THSD7A: variants seen among roughly 807,000 people sequenced by gnomAD.
THSD7A encodes the protein thrombospondin type-1 domain-containing protein 7A.
In THSD7A, 96 loss-of-function variants were observed where a neutral mutation model predicts 231.3. The ratio of observed to expected loss-of-function variants is 0.41; its 90% CI spans 0.35 to 0.49. The LOEUF is 0.49. THSD7A is among the 20% of genes least tolerant of loss of function. The probability of loss-of-function intolerance (pLI) is 0.05; values close to 1 mark genes in which losing one functional copy is unlikely to be tolerated. For missense variants in THSD7A, 2,290 were observed against 2,070.2 expected, an observed-to-expected ratio of 1.11 and a Z score of -2.06; for synonymous variants, 940 against 743.3, an observed-to-expected ratio of 1.26 and a Z score of -4.30.
intron 1 of THSD7A, among the ~76,000 whole-genome samples, chr7:11,745,495 T>G (rs1782266135): frequency 6.6e-6 from 1 of 152,152 alleles, no homozygotes; most frequent in African/African-American, 2.4e-5. Context: ...TTGCTTTTTG[T>G]GTTTTAGAAA....
chr7:11,612,152 T>C (rs567247403), intron 2 of THSD7A, among the ~76,000 whole-genome samples: 2 of 152,162 alleles, frequency 1.3e-5, no homozygotes, highest in Non-Finnish European at 2.9e-5. Context: ...GCACCCATGA[T>C]GACCCCATGC....
intron 11 of THSD7A, among the ~76,000 whole-genome samples, chr7:11,459,550 A>G (rs1248264317): frequency 1.3e-5 from 2 of 152,034 alleles, no homozygotes; most frequent in Non-Finnish European, 2.9e-5. Context: ...AATGAGAATT[A>G]TGCAAATAAA....
intron 1 of THSD7A, among the ~76,000 whole-genome samples, chr7:11,642,715 C>T (rs1782129767): frequency 6.6e-6 from 1 of 152,098 alleles, no homozygotes; most frequent in Non-Finnish European, 1.5e-5. Context: ...ATGAATGCTA[C>T]TTGGCTTAGT....
At chr7:11,809,944 G>A (rs771949392) in intron 1 of THSD7A, among the ~76,000 whole-genome samples, 7 of 152,114 alleles carry the variant, frequency 4.6e-5, no homozygotes, top group Non-Finnish European at 7.4e-5. Flanking sequence ...ACAATGGGCT[G>A]TATAAGAAAG....
intron 23 of THSD7A, among the ~76,000 whole-genome samples, chr7:11,399,091 T>C (rs4719274): frequency 0.055 from 8,339 of 152,274 alleles, 528 homozygotes; most frequent in African/African-American, 0.14. Context: ...CTGGTATTTT[T>C]CCCACCAGCC....
intron 4 of THSD7A, among the ~76,000 whole-genome samples, chr7:11,583,760 G>A (rs1791273144): frequency 1.3e-5 from 2 of 152,102 alleles, no homozygotes; most frequent in South Asian, 4.2e-4. Flanking sequence ...GAGAGTTTTT[G>A]CATTTGTTTA....
At chr7:11,717,911 T>C (rs1781198545) in intron 1 of THSD7A, among the ~76,000 whole-genome samples, 3 of 151,632 alleles carry the variant, frequency 2.0e-5, no homozygotes. Flanking sequence ...TCAGAGTACC[T>C]TCTAGATAAT....
At chr7:11,594,007 G>C (rs896414697) in intron 2 of THSD7A, among the ~76,000 whole-genome samples, 2 of 152,146 alleles carry the variant, frequency 1.3e-5, no homozygotes, top group African/African-American at 4.8e-5. Flanking sequence ...TGAGTCACTG[G>C]CTGGGAAAGG....
chr7:11,445,496 CTTTT>C (rs1562614968), intron 13 of THSD7A, among the ~76,000 whole-genome samples: 1 of 146,784 alleles, frequency 6.8e-6, no homozygotes, highest in African/African-American at 2.6e-5. Context: ...GCACATTTTT[CTTTT>C]TGTTTGTTCG....
chr7:11,780,472 C>G (rs1420411591), intron 1 of THSD7A, among the ~76,000 whole-genome samples: 1 of 152,112 alleles, frequency 6.6e-6, no homozygotes, highest in Admixed American at 6.5e-5. Context: ...TTTACTCAAG[C>G]AGCCCTATAC....
chr7:11,396,056 A>T (rs969107716), intron 23 of THSD7A, among the ~76,000 whole-genome samples: 1 of 151,992 alleles, frequency 6.6e-6, no homozygotes, highest in East Asian at 1.9e-4. Context: ...GGTAAATAAC[A>T]AAACTAAAGC....
At chr7:11,434,221 G>T (rs535964215) in intron 13 of THSD7A, among the ~76,000 whole-genome samples, 1 of 152,204 alleles carries the variant, frequency 6.6e-6, no homozygotes, top group South Asian at 2.1e-4. Context: ...TTATAGCAAT[G>T]TATGGTTTCT....
At chr7:11,393,399 C>T (rs376165676) in intron 23 of THSD7A, among the ~76,000 whole-genome samples, 39 of 152,244 alleles carry the variant, frequency 2.6e-4, no homozygotes, top group East Asian at 9.6e-4. Context: ...TCCATGAAGA[C>T]GAGGAAAAAC....
chr7:11,494,691 C>T (rs1002074365), intron 6 of THSD7A, among the ~76,000 whole-genome samples: 7 of 151,864 alleles, frequency 4.6e-5, no homozygotes, highest in African/African-American at 1.2e-4. Flanking sequence ...CCGAAGTTAC[C>T]AGCTATTTAG....
At chr7:11,376,428 C>T in intron 27 of THSD7A, 142 bp downstream of exon 27, 1 of 633,838 alleles carries the variant, frequency 1.6e-6, no homozygotes, top group Non-Finnish European at 2.6e-6. Context: ...TAGCTTTTAG[C>T]CCATCTAGGA....
chr7:11,461,211 A>G (rs1434884191), intron 10 of THSD7A, among the ~76,000 whole-genome samples: 1 of 143,554 alleles, frequency 7.0e-6, no homozygotes, highest in African/African-American at 3.0e-5. Context: ...TATGCTTTAC[A>G]AAAACAAATT....
chr7:11,453,339 T>C (rs1583770210), intron 11 of THSD7A, among the ~76,000 whole-genome samples: 1 of 139,292 alleles, frequency 7.2e-6, no homozygotes, highest in Admixed American at 7.2e-5. Flanking sequence ...TTTTTTTTTT[T>C]AAGGACTCTC....
intron 2 of THSD7A, among the ~76,000 whole-genome samples, chr7:11,594,937 G>A (rs956075608): frequency 7.2e-5 from 11 of 152,170 alleles, no homozygotes; most frequent in African/African-American, 2.7e-4. Context: ...CAGACGTGTG[G>A]GGGGACCCTG....
At chr7:11,783,650 G>C (rs984486456) in intron 1 of THSD7A, among the ~76,000 whole-genome samples, 3 of 152,128 alleles carry the variant, frequency 2.0e-5, no homozygotes, top group Non-Finnish European at 4.4e-5. Flanking sequence ...AAGGCACTCA[G>C]GTAAATATAG....
Sources: allele counts gnomAD v4.1 joint callset (sites outside exome capture counted in the v4.1 genomes callset), GRCh38; gene constraint gnomAD v4.1.1; transcripts MANE v1.5; gene names NCBI Gene and HGNC (gene_info 2026-07-23, HGNC 2026-07-21).